GALNT1: variants seen among roughly 807,000 people sequenced by gnomAD.
GALNT1 encodes the protein GalNAc transferase 1.
In GALNT1, 17 loss-of-function variants were observed where a neutral mutation model predicts 65.7. The observed-to-expected ratio is 0.26, with a 90% CI of 0.18 to 0.39. The LOEUF (loss-of-function observed/expected upper bound fraction) is 0.39. Among genes scored for constraint, GALNT1 ranks in the 10% least tolerant of loss-of-function variants. GALNT1 has a pLI of 1.00. For missense variants in GALNT1, 460 were observed against 672.8 expected, an observed-to-expected ratio of 0.68 and a Z score of 3.50; for synonymous variants, 210 against 219.7, an observed-to-expected ratio of 0.96 and a Z score of 0.39.
intron 1 of GALNT1, among the ~76,000 whole-genome samples, chr18:35,609,814 CAT>C (rs1568015187): frequency 6.6e-6 from 1 of 152,116 alleles, no homozygotes; most frequent in Non-Finnish European, 1.5e-5. Context: ...ACATTGAAGA[CAT>C]AGGTTTTAAC....
At chr18:35,644,558 G>C (rs1007628092) in intron 1 of GALNT1, among the ~76,000 whole-genome samples, 4 of 152,162 alleles carry the variant, frequency 2.6e-5, no homozygotes, top group African/African-American at 9.7e-5. Flanking sequence ...CTATAAGGTA[G>C]GATCCAAGTT....
In GALNT1 at chr18:35,709,681, G is replaced by A; in HGVS notation, c.1591G>A (p.Asp531Asn). Residue 531 changes from aspartate to asparagine, a missense_variant, in exon 12 of 12, where the codon GAT becomes AAT. Coordinates refer to ENST00000269195, the MANE Select transcript of GALNT1 (RefSeq NM_020474.4). ...NQCLDKATEE[D>N]SQVPSIRDCN... is the part of the protein sequence containing the mutation. ...GTGCCTGGATAAAGCCACAGAAGAG[G>A]ATAGCCAGGTGCCCAGCATTAGAGA... The A allele has an allele frequency of 3.1e-6, 5 of 1,614,122 alleles. No homozygotes were observed. Among genetic ancestry groups the A allele is most frequent in the Non-Finnish European group, 4.2e-6 (5 of 1,180,014 alleles).
chr18:35,631,438 A>G (rs1416328338), intron 1 of GALNT1, among the ~76,000 whole-genome samples: 2 of 152,232 alleles, frequency 1.3e-5, no homozygotes, highest in Non-Finnish European at 2.9e-5. Flanking sequence ...GCATATAAAC[A>G]GAACCAACGA....
chr18:35,595,527 T>G (rs563937537), intron 1 of GALNT1, among the ~76,000 whole-genome samples: 46 of 152,340 alleles, frequency 3.0e-4, no homozygotes, highest in African/African-American at 9.6e-4. Context: ...CATAAACCTA[T>G]GGCAACAAGC....
At chr18:35,621,521 TAATACA>T (rs1448294494) in intron 1 of GALNT1, among the ~76,000 whole-genome samples, 1,997 of 141,996 alleles carry the variant, frequency 0.014, 31 homozygotes, top group African/African-American at 0.022. Context: ...TAGAAGTTTT[TAATACA>T]TTCTGATACT....
At chr18:35,635,785 T>C (rs1355164566) in intron 1 of GALNT1, among the ~76,000 whole-genome samples, 1 of 152,182 alleles carries the variant, frequency 6.6e-6, no homozygotes, top group Non-Finnish European at 1.5e-5. Flanking sequence ...GGGTGACTTT[T>C]GGATTTCCTA....
At chr18:35,659,203 C>T (rs892534394) in intron 2 of GALNT1, among the ~76,000 whole-genome samples, 3 of 152,136 alleles carry the variant, frequency 2.0e-5, no homozygotes, top group African/African-American at 7.2e-5. Context: ...TTTACTGTCT[C>T]TGCTGTGAAA....
intron 9 of GALNT1, among the ~76,000 whole-genome samples, chr18:35,694,702 G>C (rs2048026088): frequency 6.6e-6 from 1 of 152,204 alleles, no homozygotes; most frequent in Non-Finnish European, 1.5e-5. Flanking sequence ...TTCTGGCCCA[G>C]CTAGCAATGC....
chr18:35,581,566 C>CAGT (rs2046314457), upstream of GALNT1, among the ~76,000 whole-genome samples: 1 of 152 alleles, frequency 6.6e-3, no homozygotes, highest in Non-Finnish European at 0.014. Context: ...GCGCGACGAG[C>CAGT]CCCAAGTGAG....
chr18:35,581,942 C>T (rs2046326472), intron 1 of GALNT1, 80 bp downstream of exon 1: 1 of 151,866 alleles, frequency 6.6e-6, no homozygotes. Flanking sequence ...GAGGCCCCGC[C>T]GCGGCCGCGT....
At chr18:35,687,675 A>T (rs942080679) in intron 6 of GALNT1, among the ~76,000 whole-genome samples, 5 of 152,178 alleles carry the variant, frequency 3.3e-5, no homozygotes, top group Non-Finnish European at 4.4e-5. Context: ...CACAAAATAT[A>T]AAAAAATTCA....
intron 1 of GALNT1, among the ~76,000 whole-genome samples, chr18:35,617,025 A>G (rs1220680746): frequency 1.3e-5 from 2 of 152,148 alleles, no homozygotes; most frequent in East Asian, 1.9e-4. Flanking sequence ...ACAAAACTTT[A>G]TGAGTAGTTC....
At chr18:35,671,733 G>A (rs2047639579) in intron 3 of GALNT1, among the ~76,000 whole-genome samples, 1 of 151,916 alleles carries the variant, frequency 6.6e-6, no homozygotes, top group African/African-American at 2.4e-5. Flanking sequence ...CTCTTGGTTT[G>A]GAAGCCGTAC....
chr18:35,583,740 A>G (rs1023901915), intron 1 of GALNT1, among the ~76,000 whole-genome samples: 6 of 152,176 alleles, frequency 3.9e-5, no homozygotes, highest in African/African-American at 9.7e-5. Context: ...GTTAATCCCA[A>G]GCAGTTACAG....
Position 35,709,847 on chromosome 18 carries a change from G to A in GALNT1, c.*77G>A. Reference sequence around the variant, plus strand: ...GCATACATTTCTGCCACATTCTTAAGTAGCAAAAAAGGAAAAGTGCTTTCC... The same window carrying A: ...GCATACATTTCTGCCACATTCTTAAATAGCAAAAAAGGAAAAGTGCTTTCC... On this transcript the variant is annotated 3_prime_UTR_variant, in exon 12 of 12. Transcript: ENST00000269195. 1.3e-6 allele frequency: 2 copies of A among 1,541,026 alleles called. No homozygotes were observed. Among genetic ancestry groups the A allele is most frequent in the East Asian group, 2.3e-5 (1 of 42,620 alleles).
At chr18:35,597,652 G>A (rs974272051) in intron 1 of GALNT1, 3 of 152,510 alleles carry the variant, frequency 2.0e-5, no homozygotes, top group Non-Finnish European at 4.4e-5. Context: ...GCAAACTCAA[G>A]CAATCTGGGC....
chr18:35,681,731 C>G (rs2047789802), intron 4 of GALNT1, among the ~76,000 whole-genome samples: 1 of 152,122 alleles, frequency 6.6e-6, no homozygotes, highest in African/African-American at 2.4e-5. Context: ...TAAATTTGTG[C>G]TTGATCAGGT....
intron 1 of GALNT1, among the ~76,000 whole-genome samples, chr18:35,631,884 A>G (rs2047016566): frequency 6.6e-6 from 1 of 152,222 alleles, no homozygotes; most frequent in African/African-American, 2.4e-5. Context: ...TCAATGTGCA[A>G]AAATCACAAG....
At chr18:35,620,174 C>T (rs1446288669) in intron 1 of GALNT1, among the ~76,000 whole-genome samples, 1 of 152,198 alleles carries the variant, frequency 6.6e-6, no homozygotes, top group Non-Finnish European at 1.5e-5. Context: ...GACTTTCCTT[C>T]TCAGGGTTAT....
Sources: gnomAD v4.1 joint callset for allele counts (sites outside exome capture counted in the v4.1 genomes callset) on GRCh38, gnomAD v4.1.1 for gene constraint, MANE v1.5 for transcripts, NCBI Gene and HGNC (gene_info 2026-07-23, HGNC 2026-07-21) for gene names.